Variants in SYTL2 observed in about 807,000 individuals in gnomAD.
SYTL2 encodes synaptotagmin-like protein 2.
In SYTL2, 165 loss-of-function variants were observed where a neutral mutation model predicts 198.7. The observed-to-expected ratio is 0.83, with a 90% CI of 0.73 to 0.94. The LOEUF is 0.94. Among genes scored for constraint, SYTL2 ranks in the 40% least tolerant of loss-of-function variants. The pLI, the probability that SYTL2 is intolerant of heterozygous loss-of-function variation, is 0.00. For missense variants in SYTL2, 2,835 were observed against 2,582.8 expected (o/e 1.10, Z -2.12); for synonymous variants, 966 against 917.7 (o/e 1.05, Z -0.95).
rs116905484 is a variant in SYTL2, at chr11:85,748,643, G to A, written c.102-220C>T. 4.4e-3 allele frequency among the ~76,000 whole-genome samples: 663 copies of A among 152,312 alleles called. 2 individuals are homozygous for A. Among genetic ancestry groups the A allele is most frequent in the Non-Finnish European group, 7.5e-3 (512 of 68,022 alleles). Reference sequence around the variant, plus strand: ...TTTTTCAAATAAAGGTTTAATCCACGATTCCCGTATGATGCCTGAAATTTC... The same window carrying A: ...TTTTTCAAATAAAGGTTTAATCCACAATTCCCGTATGATGCCTGAAATTTC... On this transcript the variant is annotated intron_variant, in intron 2 of 19. Transcript: ENST00000359152.
At chr11:85,730,172 G>A (rs1436195968) in intron 7 of SYTL2, among the ~76,000 whole-genome samples, 1 of 152,156 alleles carries the variant, frequency 6.6e-6, no homozygotes, top group Admixed American at 6.5e-5. Flanking sequence ...GTACAAAGAG[G>A]AGCTGGTACC....
chr11:85,804,881 G>A (rs1196024280), intron 1 of SYTL2, among the ~76,000 whole-genome samples: 1 of 152,138 alleles, frequency 6.6e-6, no homozygotes, highest in Non-Finnish European at 1.5e-5. Flanking sequence ...CCTTGAAGAC[G>A]TCATGTAGAA....
chr11:85,699,254 T>C (rs1434956913), intron 17 of SYTL2, among the ~76,000 whole-genome samples: 2 of 152,242 alleles, frequency 1.3e-5, no homozygotes, highest in African/African-American at 2.4e-5. Flanking sequence ...GAAAGCTTTA[T>C]GGAGGAGATG....
the SYTL2 span, among the ~76,000 whole-genome samples, chr11:85,835,608 C>T: frequency 6.6e-6 from 1 of 152,136 alleles, no homozygotes; most frequent in Non-Finnish European, 1.5e-5. Flanking sequence ...TCAGATATAT[C>T]CAATAATCTT....
intron 1 of SYTL2, among the ~76,000 whole-genome samples, chr11:85,771,988 C>T (rs946160470): frequency 1.3e-5 from 2 of 152,128 alleles, no homozygotes; most frequent in African/African-American, 2.4e-5. Flanking sequence ...CTGCAAACTC[C>T]GCCTCCTGGG....
the SYTL2 span, among the ~76,000 whole-genome samples, chr11:85,823,333 T>C: frequency 6.6e-6 from 1 of 152,240 alleles, no homozygotes; most frequent in Non-Finnish European, 1.5e-5. Context: ...GAATATCAAG[T>C]ACATGTTGCC....
intron 8 of SYTL2, among the ~76,000 whole-genome samples, chr11:85,723,234 T>A (rs892097749): frequency 6.6e-6 from 1 of 152,178 alleles, no homozygotes; most frequent in Non-Finnish European, 1.5e-5. Flanking sequence ...TGTAGATGAA[T>A]GTGGAGATCG....
At chr11:85,696,581 G>A in intron 18 of SYTL2, 193 bp from the exon 19 acceptor site, 1 of 591,742 alleles carries the variant, frequency 1.7e-6, no homozygotes, top group East Asian at 2.8e-5. Context: ...TGGACCTAGA[G>A]TCAGCTATAC....
At chr11:85,843,202 T>C in the SYTL2 span, among the ~76,000 whole-genome samples, 1 of 152,068 alleles carries the variant, frequency 6.6e-6, no homozygotes, top group African/African-American at 2.4e-5. Flanking sequence ...GGTGAAACCC[T>C]GTCTGTAATA....
chr11:85,695,171 T>C lies in SYTL2; in HGVS notation c.*24A>G, dbSNP rs764607087. ...ATTCCACCGGTTTAGTAGTTTTCAG[T>C]GGAGGAGCCAGTGGAATTTGGGCTC... On this transcript the variant is annotated 3_prime_UTR_variant, in exon 20 of 20. Coordinates refer to ENST00000359152, the MANE Select transcript of SYTL2 (RefSeq NM_206927.4). 3.7e-6 allele frequency: 6 copies of C among 1,602,590 alleles called. No homozygotes were observed. In the Admixed American group the frequency reaches 6.8e-5, roughly 18 times the overall value.
chr11:85,715,968 G>A (rs2087160358), intron 11 of SYTL2, among the ~76,000 whole-genome samples: 1 of 152,172 alleles, frequency 6.6e-6, no homozygotes, highest in Non-Finnish European at 1.5e-5. Context: ...TTTGGATCAT[G>A]TATTTGATTT....
chr11:85,782,151 T>A (rs1024562492), intron 1 of SYTL2, among the ~76,000 whole-genome samples: 6 of 152,154 alleles, frequency 3.9e-5, no homozygotes, highest in Non-Finnish European at 7.4e-5. Flanking sequence ...GAAATCTAGG[T>A]GGACGTTCCC....
chr11:85,846,819 C>T, the SYTL2 span, among the ~76,000 whole-genome samples: 8 of 150,680 alleles, frequency 5.3e-5, no homozygotes, highest in Admixed American at 1.3e-4. Context: ...CTGCAACCTC[C>T]GCCTCTCGGG....
At chr11:85,771,063 T>C (rs924045041) in intron 1 of SYTL2, among the ~76,000 whole-genome samples, 2 of 152,246 alleles carry the variant, frequency 1.3e-5, no homozygotes, top group African/African-American at 4.8e-5. Flanking sequence ...ATAACTAACA[T>C]TTTGTAACTT....
In SYTL2 at chr11:85,727,536, T is replaced by G. The variant is rs1393920794; in HGVS notation, c.1822A>C (p.Asn608His). The G allele has an allele frequency of 6.5e-7, 1 of 1,536,004 alleles. No individual in the cohort carries two copies. The highest frequency in any genetic ancestry group is 1.4e-5 in the African/African-American group (1 of 73,042). The change falls in exon 8 of 20, where the codon AAT (asparagine) becomes CAT (histidine). Residue 608 changes from asparagine to histidine, a missense_variant. Transcript: ENST00000359152. ...ATGAATTTGGATTTGATATTCACATTATTATCTTGGCAACTTTCAGAAACC... is the reference window on the plus strand; with the variant it reads ...ATGAATTTGGATTTGATATTCACATGATTATCTTGGCAACTTTCAGAAACC... The part of the protein sequence containing the change: ...MLVSESCQDN[N>H]VNIKSKFMNL...
At chr11:85,790,267 C>T (rs2092710202) in intron 1 of SYTL2, among the ~76,000 whole-genome samples, 1 of 152,102 alleles carries the variant, frequency 6.6e-6, no homozygotes, top group Non-Finnish European at 1.5e-5. Flanking sequence ...ATTAGAGATG[C>T]TCAACCTGTA....
At chr11:85,712,192 T>G (rs1170250297) in intron 12 of SYTL2, among the ~76,000 whole-genome samples, 3 of 152,176 alleles carry the variant, frequency 2.0e-5, no homozygotes, top group Admixed American at 2.0e-4. Flanking sequence ...TAATGCAGAT[T>G]AATAAAGGAG....
intron 8 of SYTL2, among the ~76,000 whole-genome samples, chr11:85,722,743 T>C (rs549161856): frequency 3.3e-5 from 5 of 152,054 alleles, no homozygotes; most frequent in Admixed American, 2.6e-4. Flanking sequence ...AATTTAGAGA[T>C]TTAATTAGAG....
chr11:85,766,804 G>C (rs2092252045), intron 1 of SYTL2, among the ~76,000 whole-genome samples: 2 of 152,208 alleles, frequency 1.3e-5, no homozygotes, highest in Non-Finnish European at 2.9e-5. Flanking sequence ...CTTTTAACCA[G>C]AGGATTTAAT....
Sources: gnomAD v4.1 joint callset for allele counts (sites outside exome capture counted in the v4.1 genomes callset) on GRCh38, gnomAD v4.1.1 for gene constraint, MANE v1.5 for transcripts, NCBI Gene and HGNC (gene_info 2026-07-23, HGNC 2026-07-21) for gene names.